The following MGMT variants were observed in gnomAD, a reference collection of about 807,000 sequenced individuals.
MGMT encodes methylated-DNA--protein-cysteine methyltransferase.
A neutral mutation model predicts 15.9 loss-of-function variants in MGMT; 14 were observed. The observed-to-expected ratio is 0.88, with a 90% CI of 0.58 to 1.37. MGMT has a LOEUF of 1.37. Among genes scored for constraint, MGMT ranks in the 40% most tolerant of loss-of-function variants. The probability of loss-of-function intolerance (pLI) is 0.00; values close to 1 mark genes in which losing one functional copy is unlikely to be tolerated. For synonymous variants in MGMT, 130 were observed against 118.2 expected (o/e 1.10, Z -0.65); for missense variants, 282 against 268.1 (o/e 1.05, Z -0.36).
intron 2 of MGMT, among the ~76,000 whole-genome samples, chr10:129,614,428 G>A (rs1026666585): frequency 6.6e-6 from 1 of 152,172 alleles, no homozygotes; most frequent in Non-Finnish European, 1.5e-5. Flanking sequence ...ACAACCTGAG[G>A]TCCGCGGACG....
intron 1 of MGMT, among the ~76,000 whole-genome samples, chr10:129,482,410 G>A (rs983720887): frequency 1.3e-5 from 2 of 152,160 alleles, no homozygotes; most frequent in Non-Finnish European, 2.9e-5. Context: ...CTCTTTAAAT[G>A]TAGTTGGGTA....
chr10:129,729,832 G>C, intron 3 of MGMT, among the ~76,000 whole-genome samples: 1 of 152,184 alleles, frequency 6.6e-6, no homozygotes, highest in East Asian at 1.9e-4. Flanking sequence ...GAAAATTATT[G>C]AACAGAGCTC....
At chr10:129,655,630 G>A (rs1282213809) in intron 2 of MGMT, among the ~76,000 whole-genome samples, 2 of 152,176 alleles carry the variant, frequency 1.3e-5, no homozygotes, top group Non-Finnish European at 2.9e-5. Flanking sequence ...GGATGAGTTT[G>A]TAAAACACTT....
chr10:129,639,600 GA>G (rs1335707359), intron 2 of MGMT, among the ~76,000 whole-genome samples: 1 of 152,184 alleles, frequency 6.6e-6, no homozygotes, highest in Non-Finnish European at 1.5e-5. Flanking sequence ...ATCATTCAAA[GA>G]AGTCACAGGG....
chr10:129,707,511 G>A (rs1025673328), intron 2 of MGMT, among the ~76,000 whole-genome samples: 4 of 152,166 alleles, frequency 2.6e-5, no homozygotes, highest in Non-Finnish European at 5.9e-5. Context: ...TGTTGGACTC[G>A]GGGTGGGGTG....
chr10:129,492,411 T>A (rs1266679876), intron 1 of MGMT, among the ~76,000 whole-genome samples: 1 of 152,162 alleles, frequency 6.6e-6, no homozygotes, highest in African/African-American at 2.4e-5. Context: ...TCTCTGTCTT[T>A]CCGCCTACCT....
chr10:129,518,037 C>G (rs997301832), intron 1 of MGMT, among the ~76,000 whole-genome samples: 1 of 152,032 alleles, frequency 6.6e-6, no homozygotes, highest in Non-Finnish European at 1.5e-5. Context: ...TGGCAGGCAT[C>G]TCTGGGGAGG....
At position 129,566,480 on chromosome 10, in the gene MGMT, G is replaced by A. The variant is rs957661083; in HGVS notation, c.125+30103G>A. Among the ~76,000 whole-genome samples, 2 of 152,128 alleles carry A rather than the reference G, an allele frequency of 1.3e-5. No individual in the cohort carries two copies. Among genetic ancestry groups the A allele is most frequent in the African/African-American group, 4.8e-5 (2 of 41,428 alleles). On this transcript the variant is annotated intron_variant, in intron 2 of 4. Coordinates refer to ENST00000651593, the MANE Select transcript of MGMT (RefSeq NM_002412.5). This position sits in a 1 kb window ranked among gnomAD's most constrained non-coding sequence, Gnocchi z 4.1. ...CAGGCCTCTGTCCCACCAGGATGAT[G>A]CCTATCCAGAGCTCATTGTCCTCTC... is the stretch of plus-strand genomic sequence containing the variant.
chr10:129,636,405 T>A (rs892904825), intron 2 of MGMT, among the ~76,000 whole-genome samples: 10 of 152,222 alleles, frequency 6.6e-5, no homozygotes, highest in African/African-American at 2.2e-4. Context: ...TTTGCATCAT[T>A]GAAAAGGGGT....
chr10:129,715,837 G>A (rs940950146), intron 3 of MGMT, among the ~76,000 whole-genome samples: 4 of 152,164 alleles, frequency 2.6e-5, no homozygotes, highest in African/African-American at 4.8e-5. Flanking sequence ...TCACACATAC[G>A]GTTTTTGCCT....
At chr10:129,710,534 G>A (rs558669128) in intron 3 of MGMT, among the ~76,000 whole-genome samples, 64 of 152,310 alleles carry the variant, frequency 4.2e-4, no homozygotes, top group African/African-American at 1.4e-3. Flanking sequence ...TAGCTCAATC[G>A]TTTACTCCTG....
At position 129,695,486 on chromosome 10, in the gene MGMT, A is replaced by G. The variant is rs754782939; in HGVS notation, c.126-12409A>G. Reference sequence around the variant, plus strand: ...GTGGAGGTCAATCCTCATATAATCCATGCCTTTTGGAAAGAAAAGTATTGT... The same window carrying G: ...GTGGAGGTCAATCCTCATATAATCCGTGCCTTTTGGAAAGAAAAGTATTGT... On this transcript the variant is annotated intron_variant, in intron 2 of 4. Coordinates refer to ENST00000651593, the MANE Select transcript of MGMT (RefSeq NM_002412.5). 5.9e-5 allele frequency among the ~76,000 whole-genome samples: 9 copies of G among 152,346 alleles called. No individual in the cohort carries two copies. The East Asian group carries it at 1.2e-3, about 20-fold the overall frequency.
At chr10:129,696,014 G>A (rs1191239974) in intron 2 of MGMT, among the ~76,000 whole-genome samples, 4 of 152,122 alleles carry the variant, frequency 2.6e-5, no homozygotes, top group Non-Finnish European at 5.9e-5. Context: ...TATGTTTCCA[G>A]TAGATGAGAA....
intron 3 of MGMT, among the ~76,000 whole-genome samples, chr10:129,709,488 T>G (rs776521551): frequency 5.8e-4 from 89 of 152,152 alleles, no homozygotes; most frequent in Admixed American, 1.6e-3. Context: ...ACGATCTCTT[T>G]TTGGGGGTTC....
At chr10:129,643,010 T>A (rs978850614) in intron 2 of MGMT, among the ~76,000 whole-genome samples, 1 of 152,168 alleles carries the variant, frequency 6.6e-6, no homozygotes. Flanking sequence ...TAGAGAAGGC[T>A]GGGCGAGCGA....
At chr10:129,471,027 G>T (rs1711648) in intron 1 of MGMT, among the ~76,000 whole-genome samples, 152,179 of 152,300 alleles carry the variant, frequency 1, 76,030 homozygotes, top group Middle Eastern at 1. Context: ...GTCAGCAGAG[G>T]CTCCCACCCA....
intron 3 of MGMT, among the ~76,000 whole-genome samples, chr10:129,716,774 AT>A (rs1179740852): frequency 6.6e-6 from 1 of 152,208 alleles, no homozygotes. Context: ...TTTATGACAA[AT>A]GTAAAACAGC....
intron 2 of MGMT, among the ~76,000 whole-genome samples, chr10:129,540,554 G>C (rs901985283): frequency 1.3e-5 from 2 of 152,180 alleles, no homozygotes; most frequent in Admixed American, 6.5e-5. Flanking sequence ...GATATTTCAT[G>C]TATGTGTTGA....
chr10:129,615,593 G>A (rs1307864159), intron 2 of MGMT, among the ~76,000 whole-genome samples: 1 of 152,200 alleles, frequency 6.6e-6, no homozygotes, highest in South Asian at 2.1e-4. Context: ...CTCTGCCCCA[G>A]TGCAGGCGGT....
Sources: gnomAD v4.1 joint callset for allele counts (sites outside exome capture counted in the v4.1 genomes callset) on GRCh38, gnomAD v4.1.1 for gene constraint, Gnocchi (gnomAD v3.1) non-coding constraint, MANE v1.5 for transcripts, NCBI Gene and HGNC (gene_info 2026-07-23, HGNC 2026-07-21) for gene names.